The following SCHIP1 variants were observed in gnomAD, a reference collection of about 807,000 sequenced individuals.
The protein encoded by SCHIP1 is schwannomin interacting protein 1.
SCHIP1 carries 8 observed loss-of-function variants against 29.7 expected under a neutral mutation model. The ratio of observed to expected loss-of-function variants is 0.27; its 90% CI spans 0.16 to 0.49. SCHIP1 has a LOEUF of 0.49. Among genes scored for constraint, SCHIP1 ranks in the 20% least tolerant of loss-of-function variants. The pLI, the probability that SCHIP1 is intolerant of heterozygous loss-of-function variation, is 0.99. For synonymous variants in SCHIP1, 76 were observed against 94.9 expected (o/e 0.80, Z 1.16); for missense variants, 193 against 294.6 (o/e 0.66, Z 2.52).
the SCHIP1 span, among the ~76,000 whole-genome samples, chr3:159,473,477 G>A: frequency 1.3e-5 from 2 of 151,884 alleles, no homozygotes; most frequent in Non-Finnish European, 2.9e-5. Flanking sequence ...ATTACTTGGA[G>A]CTATAGTTGT....
chr3:159,754,414 A>G, the SCHIP1 span, among the ~76,000 whole-genome samples: 1 of 152,210 alleles, frequency 6.6e-6, no homozygotes, highest in Non-Finnish European at 1.5e-5. Flanking sequence ...ACATATTGAT[A>G]GCCTTTCCTA....
At chr3:159,522,957 A>C in the SCHIP1 span, among the ~76,000 whole-genome samples, 1 of 152,184 alleles carries the variant, frequency 6.6e-6, no homozygotes, top group Non-Finnish European at 1.5e-5. Flanking sequence ...TTATTTATCA[A>C]AGAGAATTTC....
the SCHIP1 span, among the ~76,000 whole-genome samples, chr3:159,343,824 G>GTA: frequency 6.6e-6 from 1 of 152,118 alleles, no homozygotes; most frequent in South Asian, 2.1e-4. Context: ...ACGTCAGTGT[G>GTA]TATATATATC....
At chr3:159,683,413 T>C in the SCHIP1 span, among the ~76,000 whole-genome samples, 5 of 152,170 alleles carry the variant, frequency 3.3e-5, no homozygotes, top group African/African-American at 4.8e-5. Context: ...GTTCAGATCC[T>C]TAGCTGGTGT....
chr3:159,849,134 T>G (rs1712235726), intron 1 of SCHIP1, among the ~76,000 whole-genome samples: 1 of 152,162 alleles, frequency 6.6e-6, no homozygotes, highest in Non-Finnish European at 1.5e-5. Context: ...TGCTGTTGTT[T>G]TGTTGGGAAA....
chr3:159,694,847 C>T, the SCHIP1 span, among the ~76,000 whole-genome samples: 1 of 152,154 alleles, frequency 6.6e-6, no homozygotes, highest in South Asian at 2.1e-4. Flanking sequence ...AACTGAGCAT[C>T]TCAATTACCT....
At chr3:159,628,855 T>A in the SCHIP1 span, among the ~76,000 whole-genome samples, 1 of 152,030 alleles carries the variant, frequency 6.6e-6, no homozygotes, top group Non-Finnish European at 1.5e-5. Flanking sequence ...GTTTTAAAGA[T>A]TTTTTATGTG....
the SCHIP1 span, among the ~76,000 whole-genome samples, chr3:159,782,513 A>G: frequency 1.3e-5 from 2 of 152,298 alleles, no homozygotes; most frequent in East Asian, 1.9e-4. Flanking sequence ...AGATTTTTTC[A>G]TAAATGGAAA....
At chr3:159,675,240 G>A in the SCHIP1 span, among the ~76,000 whole-genome samples, 1 of 152,182 alleles carries the variant, frequency 6.6e-6, no homozygotes, top group African/African-American at 2.4e-5. Flanking sequence ...ACTTCTCCAT[G>A]CTTTGGAAAA....
At chr3:159,683,853 G>A in the SCHIP1 span, among the ~76,000 whole-genome samples, 2 of 152,220 alleles carry the variant, frequency 1.3e-5, no homozygotes, top group African/African-American at 2.4e-5. Flanking sequence ...AAAAAGCATC[G>A]TCCTAGATTA....
At chr3:159,423,223 C>T in the SCHIP1 span, among the ~76,000 whole-genome samples, 11 of 152,312 alleles carry the variant, frequency 7.2e-5, no homozygotes, top group African/African-American at 1.4e-4. Flanking sequence ...GTGGGTGCAG[C>T]GCACCATGCG....
At chr3:159,423,863 T>C in the SCHIP1 span, among the ~76,000 whole-genome samples, 2 of 151,910 alleles carry the variant, frequency 1.3e-5, no homozygotes, top group East Asian at 3.9e-4. Context: ...GAGACAAAAC[T>C]TTCAGAGGAA....
the SCHIP1 span, among the ~76,000 whole-genome samples, chr3:159,623,365 G>C: frequency 6.6e-6 from 1 of 152,140 alleles, no homozygotes; most frequent in Admixed American, 6.5e-5. Flanking sequence ...AACAAGAAAA[G>C]TAATAAACAG....
the SCHIP1 span, among the ~76,000 whole-genome samples, chr3:159,515,029 C>T: frequency 9.9e-5 from 15 of 152,252 alleles, no homozygotes; most frequent in African/African-American, 3.6e-4. Flanking sequence ...CCTCTCATAT[C>T]TATTTTCAAA....
chr3:159,277,040 T>C, the SCHIP1 span, among the ~76,000 whole-genome samples: 22 of 152,212 alleles, frequency 1.4e-4, no homozygotes, highest in Non-Finnish European at 1.8e-4. Flanking sequence ...AAGACCCATC[T>C]TGATGCAATA....
At chr3:159,610,681 A>C in the SCHIP1 span, among the ~76,000 whole-genome samples, 1 of 152,136 alleles carries the variant, frequency 6.6e-6, no homozygotes, top group Non-Finnish European at 1.5e-5. Flanking sequence ...GCTCCCTGCT[A>C]TCATTAGCGT....
chr3:159,655,401 G>GTGA, the SCHIP1 span, among the ~76,000 whole-genome samples: 9 of 151,018 alleles, frequency 6.0e-5, no homozygotes, highest in East Asian at 1.9e-4. Context: ...GATGATGATG[G>GTGA]TGATGATGAT....
the SCHIP1 span, among the ~76,000 whole-genome samples, chr3:159,677,501 A>G: frequency 6.6e-6 from 1 of 152,184 alleles, no homozygotes; most frequent in Admixed American, 6.5e-5. Context: ...TGGACCCTGA[A>G]AGTCTGAGGA....
the SCHIP1 span, among the ~76,000 whole-genome samples, chr3:159,297,602 G>T: frequency 6.6e-6 from 1 of 151,848 alleles, no homozygotes; most frequent in African/African-American, 2.4e-5. Context: ...ATGGTAAAAT[G>T]TTTTTTTAAA....
Sources: gnomAD v4.1 joint callset for allele counts (sites outside exome capture counted in the v4.1 genomes callset) on GRCh38, gnomAD v4.1.1 for gene constraint, MANE v1.5 for transcripts, NCBI Gene and HGNC (gene_info 2026-07-23, HGNC 2026-07-21) for gene names.